LCT: variants seen among roughly 807,000 people sequenced by gnomAD.
The protein encoded by LCT is lactase, also known as lactase/phlorizin hydrolase.
Under a neutral mutation model 173.0 loss-of-function variants are expected in LCT, and 90 were observed. The ratio of observed to expected loss-of-function variants is 0.52; its 90% CI spans 0.44 to 0.62. LCT has a LOEUF of 0.62. Among genes scored for constraint, LCT ranks in the 20% least tolerant of loss-of-function variants. LCT has a pLI of 0.00. For synonymous variants in LCT, 853 were observed against 957.6 expected (o/e 0.89, Z 2.02); for missense variants, 1,864 against 2,431.4 (o/e 0.77, Z 4.91).
Position 135,834,138 on chromosome 2 carries a change from CT to C in LCT, c.641-949del, listed in dbSNP as rs754920117. Among the ~76,000 whole-genome samples the C allele has an allele frequency of 4.6e-5, 7 of 152,252 alleles. 1 individual carries two copies. The East Asian group carries it at 1.4e-3, about 29-fold the overall frequency. ...CATCCATCAGTGGATATCTGGGTTGCTTCCACCTTTTGGCTATTGTGAATAA... is the reference window on the plus strand; with the variant it reads ...CATCCATCAGTGGATATCTGGGTTGCTCCACCTTTTGGCTATTGTGAATAA... On this transcript the variant is annotated intron_variant, in intron 1 of 16. Transcript: ENST00000264162.
In LCT at chr2:135,807,292, C is replaced by T; in HGVS notation, c.4009G>A (p.Val1337Ile). ...GYTVKFGLYH[V>I]DFNNTNRPRT... is the part of the protein sequence containing the mutation. ...GGCCTGTTCGTGTTGTTGAAATCAA[C>T]ATGGTACAGTCCAAACTTGACCGTG... is the stretch of plus-strand genomic sequence containing the variant. Residue 1337 changes from valine (V) to isoleucine (I), a missense_variant, in exon 9 of 17, where the codon GTT (valine) becomes ATT (isoleucine). Transcript: ENST00000264162. The T allele has an allele frequency of 6.2e-7, 1 of 1,614,232 alleles. No individual in the cohort carries two copies. The highest frequency in any genetic ancestry group is 8.5e-7 in the Non-Finnish European group (1 of 1,180,042).
intron 3 of LCT, among the ~76,000 whole-genome samples, chr2:135,825,597 T>TG (rs200245001): frequency 6.6e-6 from 1 of 152,198 alleles, no homozygotes; most frequent in Non-Finnish European, 1.5e-5. Flanking sequence ...GATAAGTGGA[T>TG]GGGGGACCTC....
chr2:135,802,482 A>C (rs1001664516), intron 11 of LCT, among the ~76,000 whole-genome samples: 3 of 152,214 alleles, frequency 2.0e-5, no homozygotes, highest in African/African-American at 7.2e-5. Flanking sequence ...CAACAGATGA[A>C]TGGATAAAGA....
chr2:135,815,845 A>G (rs4954447), intron 6 of LCT, among the ~76,000 whole-genome samples: 149,389 of 152,092 alleles, frequency 0.98, 73,410 homozygotes, highest in East Asian at 1. Context: ...GATTACAGGC[A>G]CCCACCAACA....
At position 135,789,794 on chromosome 2, in the gene LCT, C is replaced by A. The variant is rs752438759; in HGVS notation, c.5340G>T (p.Val1780=). The A allele has an allele frequency of 6.2e-7, 1 of 1,613,382 alleles. No individual in the cohort carries two copies. The highest frequency in any genetic ancestry group is 1.3e-5 in the African/African-American group (1 of 74,930). The change falls in exon 16 of 17, where the codon GTG becomes GTT. Residue 1780 remains valine (V), a synonymous_variant. Coordinates refer to ENST00000264162, the MANE Select transcript of LCT (RefSeq NM_002299.4). ...ATCCTCGAAGGTCCACCTTGTCCTG[C>A]ACAGCTGCTCAAACACAGAGGACTA... ...RTYINEALKA[V]QDKVDLRGYT...
At position 135,807,349 on chromosome 2, in the gene LCT, G is replaced by A; in HGVS notation, c.3952C>T (p.Leu1318=). 6.2e-7 allele frequency: 1 copy of A among 1,614,142 alleles called. No homozygotes were observed. The highest frequency in any genetic ancestry group is 8.5e-7 in the Non-Finnish European group (1 of 1,180,008). Residue 1318 remains leucine (L), a synonymous_variant, in exon 9 of 17, where the codon CTG becomes TTG. Transcript: ENST00000264162. ...IDLRGYVAWS[L]MDNFEWLNGY... is the part of the protein sequence containing the mutation. ...TTTAGCCACTCAAAGTTGTCCATCAGAGACCAGGCGACATACCCTCGAAGG... is the reference window on the plus strand; with the variant it reads ...TTTAGCCACTCAAAGTTGTCCATCAAAGACCAGGCGACATACCCTCGAAGG...
intron 1 of LCT, among the ~76,000 whole-genome samples, chr2:135,834,372 A>G (rs903313542): frequency 1.3e-5 from 2 of 151,528 alleles, no homozygotes; most frequent in African/African-American, 4.8e-5. Context: ...TTTTTAGTAG[A>G]GATGGGGTTT....
At chr2:135,827,765 A>C (rs1421520503) in intron 3 of LCT, among the ~76,000 whole-genome samples, 5 of 151,860 alleles carry the variant, frequency 3.3e-5, no homozygotes, top group Non-Finnish European at 5.9e-5. Context: ...CCTGCCACTC[A>C]CCTCCTGCTG....
intron 9 of LCT, among the ~76,000 whole-genome samples, chr2:135,806,095 C>T (rs1226106749): frequency 1.3e-5 from 2 of 152,146 alleles, no homozygotes; most frequent in East Asian, 1.9e-4. Context: ...GAGTGATCCT[C>T]CTGCCTCAGC....
intron 5 of LCT, among the ~76,000 whole-genome samples, chr2:135,820,848 A>G (rs561544627): frequency 6.6e-6 from 1 of 151,964 alleles, no homozygotes; most frequent in East Asian, 1.9e-4. Context: ...CATGAAAGCA[A>G]TGTAATTATG....
chr2:135,834,454 G>A (rs1369876386), intron 1 of LCT, among the ~76,000 whole-genome samples: 1 of 149,066 alleles, frequency 6.7e-6, no homozygotes, highest in African/African-American at 2.5e-5. Context: ...CAAAGTGCTG[G>A]GATTACAAGC....
chr2:135,836,463 A>G (rs918262330), intron 1 of LCT, 67 bp downstream of exon 1: 31 of 1,416,954 alleles, frequency 2.2e-5, no homozygotes, highest in Non-Finnish European at 3.0e-5. Context: ...AATCTGCTCT[A>G]AGGAGGATGG....
chr2:135,788,460 GCTGT>G lies in LCT; in HGVS notation c.5644_5647del (p.Thr1882LeufsTer39), dbSNP rs1397567983. The G allele has an allele frequency of 8.7e-6, 14 of 1,613,548 alleles. No individual in the cohort carries two copies. Among genetic ancestry groups the G allele is most frequent in the African/African-American group, 2.7e-5 (2 of 74,936 alleles). ...CACAAGAGAAAAGAGAACGTACAAA[GCTGT>G]CTGTGCTTCTGTGGTGCCGAGCATT... On this transcript the variant is annotated frameshift_variant, in exon 17 of 17. Transcript: ENST00000264162. LOFTEE classifies it low-confidence loss of function (END_TRUNC).
rs1376814347 is a variant in LCT, at chr2:135,790,646, G to A, written c.5335+12C>T. 1.3e-5 allele frequency: 20 copies of A among 1,558,792 alleles called. No homozygotes were observed. Among genetic ancestry groups the A allele is most frequent in the Non-Finnish European group, 1.6e-5 (18 of 1,131,286 alleles). On this transcript the variant is annotated intron_variant, in intron 15 of 16. Transcript: ENST00000264162. This position sits in a 1 kb window ranked among gnomAD's most constrained non-coding sequence, Gnocchi z 4.1. ...GGAAGGTGCACGCTGGGGAAGGGCGGGCCCGTCGTACCTTTGAGGGCCTCA... is the reference window on the plus strand; with the variant it reads ...GGAAGGTGCACGCTGGGGAAGGGCGAGCCCGTCGTACCTTTGAGGGCCTCA...
chr2:135,824,001 G>C lies in LCT; in HGVS notation c.807C>G (p.Thr269=), dbSNP rs1372146206. 6.2e-7 allele frequency: 1 copy of C among 1,608,910 alleles called. No individual in the cohort carries two copies. The highest frequency in any genetic ancestry group is 1.7e-5 in the Admixed American group (1 of 60,006). ...SLRQKLSKLQ[T]IEPKVKVFIF... ...TGAAAACTTTCACTTTTGGCTCAAT[G>C]GTCTGAAAAAGAGAAGGACCAGCAA... The change falls in exon 4 of 17, where the codon ACC becomes ACG. Residue 269 remains threonine (T), a splice_region_variant and synonymous_variant. Transcript: ENST00000264162.
intron 11 of LCT, among the ~76,000 whole-genome samples, chr2:135,802,834 G>A (rs1451307175): frequency 6.6e-6 from 1 of 152,158 alleles, no homozygotes; most frequent in Non-Finnish European, 1.5e-5. Context: ...AATTTAGGCT[G>A]GGTGCAGTGG....
chr2:135,819,442 C>A (rs545718916), intron 5 of LCT, among the ~76,000 whole-genome samples: 20 of 152,140 alleles, frequency 1.3e-4, no homozygotes, highest in African/African-American at 4.8e-4. Context: ...GGGAAAAGGA[C>A]GTGGAGTACA....
In LCT at chr2:135,823,993, G is replaced by A. The variant is rs374129234; in HGVS notation, c.815C>T (p.Pro272Leu). 2.5e-6 allele frequency: 4 copies of A among 1,612,386 alleles called. No individual in the cohort carries two copies. The highest frequency in any genetic ancestry group is 3.4e-6 in the Non-Finnish European group (4 of 1,178,426). ...QKLSKLQTIE[P>L]KVKVFIFNLK... ...GTTGAAGATGAAAACTTTCACTTTT[G>A]GCTCAATGGTCTGAAAAAGAGAAGG... The change falls in exon 4 of 17, where the codon CCA (proline) becomes CTA (leucine). Residue 272 changes from proline (P) to leucine (L), a missense_variant. Around this residue, in one of 4 missense-constraint regions of LCT, gnomAD observed 412 missense variants for 462.0 expected, o/e 0.89. Coordinates refer to ENST00000264162, the MANE Select transcript of LCT (RefSeq NM_002299.4).
intron 3 of LCT, among the ~76,000 whole-genome samples, chr2:135,825,815 G>A (rs1005562999): frequency 4.6e-5 from 7 of 152,178 alleles, no homozygotes; most frequent in Non-Finnish European, 8.8e-5. Flanking sequence ...CCCTGCTTTC[G>A]CCCTCTTCCC....
Sources: allele counts gnomAD v4.1 joint callset (sites outside exome capture counted in the v4.1 genomes callset), GRCh38; gene constraint gnomAD v4.1.1; regional missense constraint gnomAD v4.1.1; non-coding constraint Gnocchi (gnomAD v3.1); transcripts MANE v1.5; gene names NCBI Gene and HGNC (gene_info 2026-07-23, HGNC 2026-07-21).